GPCPD1: variants seen among roughly 807,000 people sequenced by gnomAD.
GPCPD1 encodes glycerophosphocholine phosphodiesterase GPCPD1.
In GPCPD1, 29 loss-of-function variants were observed where a neutral mutation model predicts 89.2. The observed-to-expected ratio is 0.33, with a 90% CI of 0.24 to 0.44. GPCPD1 has a LOEUF of 0.44. Among genes scored for constraint, GPCPD1 ranks in the 20% least tolerant of loss-of-function variants. The pLI is 1.00. For synonymous variants in GPCPD1, 258 were observed against 266.3 expected (o/e 0.97, Z 0.30); for missense variants, 594 against 808.9 (o/e 0.73, Z 3.22).
chr20:5,584,092 A>G (rs1447735898), intron 6 of GPCPD1, among the ~76,000 whole-genome samples, 189 bp downstream of exon 6: 1 of 152,214 alleles, frequency 6.6e-6, no homozygotes, highest in Non-Finnish European at 1.5e-5. Flanking sequence ...GTGTAAGTAC[A>G]GGGAATTTTT....
chr20:5,576,529 A>C (rs1346491318), intron 8 of GPCPD1, among the ~76,000 whole-genome samples: 1 of 152,138 alleles, frequency 6.6e-6, no homozygotes, highest in African/African-American at 2.4e-5. Flanking sequence ...AATCAAATTT[A>C]TATTCATGTG....
At chr20:5,565,202 G>C in intron 14 of GPCPD1, 124 bp from the exon 15 acceptor site, 1 of 632,854 alleles carries the variant, frequency 1.6e-6, no homozygotes. Flanking sequence ...GAGCAAGCGC[G>C]AGAGCATAAG....
At position 5,547,645 on chromosome 20, in the gene GPCPD1, C is replaced by G. The variant is rs1191403160; in HGVS notation, c.*16G>C. On this transcript the variant is annotated 3_prime_UTR_variant, in exon 20 of 20. Transcript: ENST00000379019. ...CAGCGGTGCACGCCCCCAAAATGAC[C>G]TCTGTGCAATAAAAACTAAGCATTC... 1.3e-6 allele frequency: 2 copies of G among 1,483,534 alleles called. No individual in the cohort carries two copies. Among genetic ancestry groups the G allele is most frequent in the Middle Eastern group, 1.7e-4 (1 of 5,754 alleles). 91.9% of individuals were successfully genotyped at this position (1,483,534 alleles called of 1,614,324 possible).
rs1271273851 is a variant in GPCPD1, at chr20:5,545,121, T to C, written c.*2540A>G. 1 of 152,336 alleles carries C rather than the reference T, an allele frequency of 6.6e-6. No homozygotes were observed. The highest frequency in any genetic ancestry group is 2.1e-4 in the South Asian group (1 of 4,830). 9.4% of individuals were successfully genotyped at this position (152,336 alleles called of 1,614,324 possible). Reference sequence around the variant, plus strand: ...GTATAAAATAATTTAACATTATACCTCTACATTTCAAAATTCACATCAATA... The same window carrying C: ...GTATAAAATAATTTAACATTATACCCCTACATTTCAAAATTCACATCAATA... On this transcript the variant is annotated 3_prime_UTR_variant, in exon 20 of 20. Coordinates refer to ENST00000379019, the MANE Select transcript of GPCPD1 (RefSeq NM_019593.5).
intron 4 of GPCPD1, among the ~76,000 whole-genome samples, chr20:5,587,450 C>G (rs548342062): frequency 6.6e-6 from 1 of 152,128 alleles, no homozygotes; most frequent in South Asian, 2.1e-4. Context: ...CTCACTGCAC[C>G]CTTGCCTCCT....
In GPCPD1 at chr20:5,587,748, T is replaced by G. The variant is rs139835294; in HGVS notation, c.232-1479A>C. ...TTAATAATGGATTAAAATATTCTCCTACACTTTCTATAGGATTTTAATATT... is the reference window on the plus strand; with the variant it reads ...TTAATAATGGATTAAAATATTCTCCGACACTTTCTATAGGATTTTAATATT... On this transcript the variant is annotated intron_variant, in intron 4 of 19. Transcript: ENST00000379019. Among the ~76,000 whole-genome samples, 9 of 152,328 alleles carry G rather than the reference T, an allele frequency of 5.9e-5. No homozygotes were observed. The East Asian group carries it at 1.7e-3, about 29-fold the overall frequency.
intron 19 of GPCPD1, among the ~76,000 whole-genome samples, chr20:5,552,738 A>G (rs1985499024): frequency 6.6e-6 from 1 of 152,260 alleles, no homozygotes. Context: ...ATAGTTTAAA[A>G]GGCAGGTAGG....
rs142702269 is a variant in GPCPD1, at chr20:5,574,774, C to T, written c.1001+639G>A. ...AAAAAGGTGGGGGCAGGTGAGGGTG[C>T]TTCTTCCTTAAATAGTTATTTTTTT... On this transcript the variant is annotated intron_variant, in intron 10 of 19. Coordinates refer to ENST00000379019, the MANE Select transcript of GPCPD1 (RefSeq NM_019593.5). Among the ~76,000 whole-genome samples, 427 of 152,218 alleles carry T rather than the reference C, an allele frequency of 2.8e-3. 2 individuals are homozygous for T. The highest frequency in any genetic ancestry group is 9.7e-3 in the African/African-American group (405 of 41,544).
chr20:5,577,254 C>G (rs1978293693), intron 8 of GPCPD1, among the ~76,000 whole-genome samples: 1 of 151,620 alleles, frequency 6.6e-6, no homozygotes, highest in Non-Finnish European at 1.5e-5. Flanking sequence ...TACTCTTGAC[C>G]TCGTGATCCG....
chr20:5,558,914 C>G, intron 17 of GPCPD1, 95 bp from the exon 18 acceptor site: 1 of 954,394 alleles, frequency 1.0e-6, no homozygotes, highest in Non-Finnish European at 1.5e-6. Flanking sequence ...ATAAAGAAAA[C>G]AAACGAGGCC....
intron 4 of GPCPD1, among the ~76,000 whole-genome samples, chr20:5,588,909 G>C (rs906893384): frequency 3.9e-5 from 6 of 152,182 alleles, no homozygotes; most frequent in Non-Finnish European, 8.8e-5. Flanking sequence ...CGGCATAGCA[G>C]ACTGTTTGTT....
chr20:5,596,867 T>G (rs1482744885), intron 3 of GPCPD1, among the ~76,000 whole-genome samples: 1 of 152,258 alleles, frequency 6.6e-6, no homozygotes, highest in Admixed American at 6.5e-5. Context: ...GTTTATCTGC[T>G]ACCTGTGAAT....
chr20:5,565,183 T>C, intron 14 of GPCPD1, 105 bp from the exon 15 acceptor site: 1 of 682,962 alleles, frequency 1.5e-6, no homozygotes, highest in Middle Eastern at 2.8e-4. Flanking sequence ...AGAGAGAGAG[T>C]GTGTGTGTGA....
chr20:5,576,050 C>CAG, intron 8 of GPCPD1, 72 bp from the exon 9 acceptor site: 1 of 637,490 alleles, frequency 1.6e-6, no homozygotes, highest in South Asian at 2.3e-5. Flanking sequence ...TACACACACA[C>CAG]ACACACACAC....
At chr20:5,606,588 G>A (rs1038661879) in intron 1 of GPCPD1, among the ~76,000 whole-genome samples, 8 of 152,118 alleles carry the variant, frequency 5.3e-5, no homozygotes, top group African/African-American at 1.9e-4. Flanking sequence ...TTCCCTCCAG[G>A]GGATTATTTG....
intron 4 of GPCPD1, among the ~76,000 whole-genome samples, chr20:5,588,484 G>A (rs1979085886): frequency 1.3e-5 from 2 of 151,680 alleles, no homozygotes; most frequent in Non-Finnish European, 2.9e-5. Flanking sequence ...CAGCGTGGGC[G>A]ACAGAGTGAG....
intron 11 of GPCPD1, 65 bp downstream of exon 11, chr20:5,573,850 G>A: frequency 1.2e-6 from 1 of 863,322 alleles, no homozygotes; most frequent in East Asian, 2.4e-5. Context: ...AATAAAAACT[G>A]GAGGAGACTC....
intron 15 of GPCPD1, among the ~76,000 whole-genome samples, chr20:5,564,666 T>C (rs1600728692): frequency 6.6e-6 from 1 of 152,002 alleles, no homozygotes; most frequent in Non-Finnish European, 1.5e-5. Flanking sequence ...GGTGAGACCA[T>C]CTCTACAAAA....
Position 5,546,842 on chromosome 20 carries a change from C to T in GPCPD1, c.*819G>A, listed in dbSNP as rs1233783472. The T allele has an allele frequency of 6.6e-6, 1 of 152,492 alleles. No homozygotes were observed. The highest frequency in any genetic ancestry group is 6.5e-5 in the Admixed American group (1 of 15,268). 9.4% of individuals were successfully genotyped at this position (152,492 alleles called of 1,614,324 possible). A position where few individuals can be genotyped will look rare whatever the true frequency, so the allele number is the denominator to read the frequency against. ...AGTCCTTGACATCTTCTCATACTCA[C>T]CTAGCACCACAGATGCAAGGACCTA... On this transcript the variant is annotated 3_prime_UTR_variant, in exon 20 of 20. Coordinates refer to ENST00000379019, the MANE Select transcript of GPCPD1 (RefSeq NM_019593.5).
Sources: allele counts gnomAD v4.1 joint callset (sites outside exome capture counted in the v4.1 genomes callset), GRCh38; gene constraint gnomAD v4.1.1; transcripts MANE v1.5; gene names NCBI Gene and HGNC (gene_info 2026-07-23, HGNC 2026-07-21).